The following FAM167A variants were observed in gnomAD, a reference collection of about 807,000 sequenced individuals.
FAM167A encodes protein FAM167A.
FAM167A carries 23 observed loss-of-function variants against 14.9 expected under a neutral mutation model. That is an observed-to-expected ratio of 1.55 (90% confidence interval 1.11 to 2.19). The LOEUF is 2.19. FAM167A is among the 30% of genes most tolerant of loss of function. FAM167A has a pLI of 0.00. For synonymous variants in FAM167A, 174 were observed against 117.7 expected, an observed-to-expected ratio of 1.48 and a Z score of -3.10; for missense variants, 401 against 281.5, an observed-to-expected ratio of 1.42 and a Z score of -3.04.
At chr8:11,442,329 A>T (rs1806490478) in intron 2 of FAM167A, among the ~76,000 whole-genome samples, 1 of 152,020 alleles carries the variant, frequency 6.6e-6, no homozygotes, top group South Asian at 2.1e-4. Context: ...TCACCCCCAG[A>T]CATTCATTGG....
At chr8:11,438,705 C>A in intron 2 of FAM167A, 1 of 370,408 alleles carries the variant, frequency 2.7e-6, no homozygotes, top group South Asian at 2.1e-5. Flanking sequence ...GTAACCCCCA[C>A]GAGGCCGTAT....
chr8:11,436,167 C>T (rs945305883), intron 2 of FAM167A, among the ~76,000 whole-genome samples: 7 of 152,258 alleles, frequency 4.6e-5, no homozygotes, highest in Non-Finnish European at 7.3e-5. Context: ...TTGTCTCTAT[C>T]ACCAAGTGTT....
At position 11,444,760 on chromosome 8, in the gene FAM167A, A is replaced by G. The variant is rs76844951; in HGVS notation, c.-349T>C. 256 of 1,030,254 alleles carry G rather than the reference A, an allele frequency of 2.5e-4. No homozygotes were observed. In the African/African-American group the frequency reaches 2.9e-3, roughly 12 times the overall value. 63.8% of individuals were successfully genotyped at this position (1,030,254 alleles called of 1,614,324 possible). On this transcript the variant is annotated 5_prime_UTR_variant, in exon 2 of 3. Coordinates refer to ENST00000284486, the MANE Select transcript of FAM167A (RefSeq NM_053279.3). ...GCACTCGAAGACCAGACTGGCAGGA[A>G]GAAGGCCCAGAGCTCTCTCTTCTCG...
At chr8:11,436,785 T>G (rs893680547) in intron 2 of FAM167A, among the ~76,000 whole-genome samples, 1 of 152,170 alleles carries the variant, frequency 6.6e-6, no homozygotes, top group Non-Finnish European at 1.5e-5. Flanking sequence ...GGGTTCTCTA[T>G]CCCCTGCTTT....
intron 1 of FAM167A, among the ~76,000 whole-genome samples, chr8:11,473,876 T>C (rs1459598661): frequency 6.6e-6 from 1 of 152,068 alleles, no homozygotes; most frequent in Non-Finnish European, 1.5e-5. Flanking sequence ...TTTTCTTTCT[T>C]TCTTCTTTTT....
chr8:11,448,066 C>T (rs1327258270), intron 1 of FAM167A, among the ~76,000 whole-genome samples: 2 of 152,076 alleles, frequency 1.3e-5, no homozygotes, highest in African/African-American at 2.4e-5. Flanking sequence ...TAGTGGCGCA[C>T]GCCTGTAATC....
upstream of FAM167A, among the ~76,000 whole-genome samples, chr8:11,469,904 A>G (rs916619513): frequency 1.3e-5 from 2 of 150,968 alleles, no homozygotes; most frequent in South Asian, 2.1e-4. Context: ...AAATAAATAA[A>G]TAAATAAATA....
At chr8:11,446,820 A>C (rs950513988) in intron 1 of FAM167A, among the ~76,000 whole-genome samples, 23 of 152,230 alleles carry the variant, frequency 1.5e-4, no homozygotes, top group Non-Finnish European at 2.6e-4. Flanking sequence ...GGCCCCTCCC[A>C]GGCGCCGTCT....
At chr8:11,461,531 G>C (rs569790469) in intron 1 of FAM167A, among the ~76,000 whole-genome samples, 2 of 152,340 alleles carry the variant, frequency 1.3e-5, no homozygotes, top group South Asian at 4.1e-4. Flanking sequence ...TGCAGCGCAG[G>C]CCGGTACCCT....
At chr8:11,443,630 G>T (rs535682724) in intron 2 of FAM167A, 4 of 193,730 alleles carry the variant, frequency 2.1e-5, no homozygotes, top group Non-Finnish European at 4.3e-5. Flanking sequence ...GTGCAGAAGA[G>T]TGGTCCCCGG....
At chr8:11,469,609 G>A (rs548588516), upstream of FAM167A, among the ~76,000 whole-genome samples, 3 of 152,170 alleles carry the variant, frequency 2.0e-5, no homozygotes, top group Non-Finnish European at 4.4e-5. Flanking sequence ...GCTCACACCT[G>A]TAATCCCAGC....
chr8:11,467,955 G>A (rs1415966517), upstream of FAM167A, among the ~76,000 whole-genome samples: 1 of 152,214 alleles, frequency 6.6e-6, no homozygotes, highest in African/African-American at 2.4e-5. Context: ...TCACAGCCTT[G>A]ATCCAGATCT....
intron 1 of FAM167A, chr8:11,446,447 G>C (rs961792801): frequency 1.3e-5 from 2 of 151,404 alleles, no homozygotes; most frequent in African/African-American, 2.5e-5. Flanking sequence ...TGAGGAACTG[G>C]ATTCTGATTC....
At chr8:11,439,287 C>T (rs1168416725) in intron 2 of FAM167A, among the ~76,000 whole-genome samples, 2 of 152,256 alleles carry the variant, frequency 1.3e-5, no homozygotes, top group Admixed American at 1.3e-4. Context: ...GGGTATCAAC[C>T]TGGCTGTATC....
chr8:11,430,836 C>T (rs575031534), intron 2 of FAM167A, among the ~76,000 whole-genome samples: 2 of 152,190 alleles, frequency 1.3e-5, no homozygotes, highest in East Asian at 1.9e-4. Context: ...GAAGGTCAGC[C>T]GAGGACATTC....
chr8:11,447,371 C>T (rs1025734479), intron 1 of FAM167A, among the ~76,000 whole-genome samples: 4 of 152,062 alleles, frequency 2.6e-5, no homozygotes, highest in Non-Finnish European at 5.9e-5. Context: ...TTAGTAGAGA[C>T]AAGGTTTCAC....
At chr8:11,468,588 G>A (rs1463545683), upstream of FAM167A, among the ~76,000 whole-genome samples, 1 of 147,526 alleles carries the variant, frequency 6.8e-6, no homozygotes, top group African/African-American at 2.4e-5. Context: ...TCTGGGTGCT[G>A]GCTGTTTCTG....
rs962370689 is a variant in FAM167A, at chr8:11,444,744, G to A, written c.-333C>T. 9.5e-7 allele frequency: 1 copy of A among 1,055,914 alleles called. No individual in the cohort carries two copies. Among genetic ancestry groups the A allele is most frequent in the Non-Finnish European group, 1.1e-6 (1 of 875,612 alleles). The allele number at this position is 1,055,914 out of a possible 1,614,324, so 65.4% of individuals were successfully genotyped here. A position where few individuals can be genotyped will look rare whatever the true frequency, so the allele number is the denominator to read the frequency against. On this transcript the variant is annotated 5_prime_UTR_variant, in exon 2 of 3. Transcript: ENST00000284486. ...TCTATCTGTCCTGAACGCACTCGAA[G>A]ACCAGACTGGCAGGAAGAAGGCCCA...
intron 1 of FAM167A, among the ~76,000 whole-genome samples, chr8:11,475,451 G>A (rs1410111491): frequency 1.3e-5 from 2 of 152,116 alleles, no homozygotes; most frequent in African/African-American, 2.4e-5. Context: ...GTTCAGCTGC[G>A]CAAGTCACTC....
Sources: allele counts gnomAD v4.1 joint callset (sites outside exome capture counted in the v4.1 genomes callset), GRCh38; gene constraint gnomAD v4.1.1; transcripts MANE v1.5; gene names NCBI Gene and HGNC (gene_info 2026-07-23, HGNC 2026-07-21).